The following GABRB1 variants were observed in gnomAD, a reference collection of about 807,000 sequenced individuals.
The protein encoded by GABRB1 is gamma-aminobutyric acid receptor subunit beta-1.
GABRB1 carries 17 observed loss-of-function variants against 51.6 expected under a neutral mutation model. That is an observed-to-expected ratio of 0.33 (90% CI 0.23 to 0.49). GABRB1 has a LOEUF of 0.49. Ranked by LOEUF, GABRB1 falls within the 20% of genes least tolerant of loss-of-function variation. GABRB1 has a pLI of 0.99. For synonymous variants in GABRB1, 247 were observed against 218.9 expected, an observed-to-expected ratio of 1.13 and a Z score of -1.14; for missense variants, 410 against 600.6, an observed-to-expected ratio of 0.68 and a Z score of 3.32.
At chr4:47,137,548 T>G (rs1001390822) in intron 3 of GABRB1, among the ~76,000 whole-genome samples, 27 of 152,274 alleles carry the variant, frequency 1.8e-4, no homozygotes, top group African/African-American at 6.0e-4. Context: ...CAGCTGGAAG[T>G]AACCAAGAAG....
chr4:47,192,104 C>A (rs1273170670), intron 4 of GABRB1, among the ~76,000 whole-genome samples: 1 of 151,820 alleles, frequency 6.6e-6, no homozygotes, highest in Non-Finnish European at 1.5e-5. Flanking sequence ...AACAAAAAAC[C>A]CTCAAGCCTT....
intron 4 of GABRB1, among the ~76,000 whole-genome samples, chr4:47,313,109 T>C (rs746283203): frequency 6.6e-6 from 1 of 152,216 alleles, no homozygotes; most frequent in Non-Finnish European, 1.5e-5. Flanking sequence ...ATTATAGTGT[T>C]CTGACCTAAC....
Position 47,426,428 on chromosome 4 carries a change from C to CAAAAAAAAAAA in GABRB1, c.*419_*429dup, listed in dbSNP as rs59682924. 8.3e-5 allele frequency: 7 copies of CAAAAAAAAAAA among 84,826 alleles called. No homozygotes were observed. The highest frequency in any genetic ancestry group is 1.6e-4 in the Non-Finnish European group (6 of 38,386). The allele number at this position is 84,826 out of a possible 1,614,324, so 5.3% of individuals were successfully genotyped here. ...GTAAACTATAACAAACTTATGCTGCCAAAAAAAAAAAAAAAAAAACATAAA... is the reference window on the plus strand; with the variant it reads ...GTAAACTATAACAAACTTATGCTGCCAAAAAAAAAAAAAAAAAAAAAAAAAAAAAACATAAA... On this transcript the variant is annotated 3_prime_UTR_variant, in exon 9 of 9. Coordinates refer to ENST00000295454, the MANE Select transcript of GABRB1 (RefSeq NM_000812.4).
At chr4:47,366,697 T>A (rs1726996749) in intron 5 of GABRB1, among the ~76,000 whole-genome samples, 1 of 152,174 alleles carries the variant, frequency 6.6e-6, no homozygotes, top group East Asian at 1.9e-4. Context: ...CTTCAGTAAC[T>A]GAAGAATAAT....
At chr4:47,312,037 TTGTGTGTGTGTGTGTGTGTG>T (rs36206411) in intron 4 of GABRB1, among the ~76,000 whole-genome samples, 20 of 140,760 alleles carry the variant, frequency 1.4e-4, no homozygotes, top group African/African-American at 5.0e-4. Flanking sequence ...TACCCAAGGC[TTGTGTGTGTGTGTGTGTGTG>T]TGTGTGTGTG....
intron 3 of GABRB1, among the ~76,000 whole-genome samples, chr4:47,034,905 A>G (rs905093720): frequency 6.6e-6 from 1 of 152,186 alleles, no homozygotes; most frequent in South Asian, 2.1e-4. Flanking sequence ...TGCTTTTTGT[A>G]TTAAGCATGT....
At position 47,328,690 on chromosome 4, in the gene GABRB1, T is replaced by C. The variant is rs568490691; in HGVS notation, c.544+8481T>C. 3.3e-5 allele frequency among the ~76,000 whole-genome samples: 5 copies of C among 152,116 alleles called. No homozygotes were observed. In the East Asian group the frequency reaches 9.7e-4, roughly 29 times the overall value. ...GGACGAAAAACCAAACACCGCATGTTCTCACTCATAGGTGGGAATGGAACA... is the reference window on the plus strand; with the variant it reads ...GGACGAAAAACCAAACACCGCATGTCCTCACTCATAGGTGGGAATGGAACA... On this transcript the variant is annotated intron_variant, in intron 5 of 8. Coordinates refer to ENST00000295454, the MANE Select transcript of GABRB1 (RefSeq NM_000812.4).
intron 4 of GABRB1, among the ~76,000 whole-genome samples, chr4:47,254,124 T>C (rs1003793150): frequency 2.6e-5 from 4 of 152,122 alleles, no homozygotes; most frequent in African/African-American, 9.7e-5. Context: ...CACTTTCTTG[T>C]CTAATTATGC....
At chr4:47,036,637 G>A (rs967496049) in intron 3 of GABRB1, among the ~76,000 whole-genome samples, 5 of 152,148 alleles carry the variant, frequency 3.3e-5, no homozygotes, top group Admixed American at 2.6e-4. Flanking sequence ...CAAGGCGAGT[G>A]TATCACTTGA....
chr4:47,104,182 A>G (rs768441178), intron 3 of GABRB1, among the ~76,000 whole-genome samples: 1 of 151,712 alleles, frequency 6.6e-6, no homozygotes, highest in Non-Finnish European at 1.5e-5. Context: ...GTATAGGATG[A>G]CAGGTTTTTT....
intron 3 of GABRB1, among the ~76,000 whole-genome samples, chr4:47,082,360 T>C (rs911029741): frequency 1.3e-5 from 2 of 152,116 alleles, no homozygotes; most frequent in African/African-American, 4.8e-5. Context: ...CTGCCTATGA[T>C]GCCTCTGACC....
chr4:47,246,299 T>TATATATAC (rs1329276891), intron 4 of GABRB1, among the ~76,000 whole-genome samples: 3 of 84,140 alleles, frequency 3.6e-5, no homozygotes, highest in African/African-American at 1.4e-4. Context: ...TATATATATA[T>TATATATAC]ACACACACAC....
intron 5 of GABRB1, among the ~76,000 whole-genome samples, chr4:47,381,992 G>T (rs1442870153): frequency 6.6e-6 from 1 of 152,150 alleles, no homozygotes; most frequent in Non-Finnish European, 1.5e-5. Context: ...TATTGTCTAG[G>T]CTGGGGGTAG....
At chr4:47,177,356 G>T (rs962717810) in intron 4 of GABRB1, among the ~76,000 whole-genome samples, 3 of 151,976 alleles carry the variant, frequency 2.0e-5, no homozygotes, top group Non-Finnish European at 4.4e-5. Flanking sequence ...TAGAGAAGAG[G>T]GGCCTGAAAA....
chr4:47,096,799 G>C (rs1157930185), intron 3 of GABRB1, among the ~76,000 whole-genome samples: 1 of 152,134 alleles, frequency 6.6e-6, no homozygotes, highest in African/African-American at 2.4e-5. Flanking sequence ...AAAGGTCTAT[G>C]AGCAGAGGAA....
intron 4 of GABRB1, among the ~76,000 whole-genome samples, chr4:47,165,853 G>A (rs1718159965): frequency 6.6e-6 from 1 of 151,994 alleles, no homozygotes; most frequent in African/African-American, 2.4e-5. Context: ...CCTTTCCCAA[G>A]TGCTAATGAA....
At chr4:47,186,273 C>T (rs1719180117) in intron 4 of GABRB1, among the ~76,000 whole-genome samples, 1 of 151,650 alleles carries the variant, frequency 6.6e-6, no homozygotes, top group South Asian at 2.1e-4. Context: ...CTTTTATTAA[C>T]AAAAGATTCA....
chr4:47,330,582 T>C (rs1273501967), intron 5 of GABRB1, among the ~76,000 whole-genome samples: 2 of 152,130 alleles, frequency 1.3e-5, no homozygotes, highest in Admixed American at 6.6e-5. Context: ...GAACTTCCCC[T>C]ACCACAGAGA....
In GABRB1 at chr4:47,019,899, T is replaced by TGTATATGTATATGTATATGTATAC. The variant is rs1560498368; in HGVS notation, c.-19-12003_-19-11980dup. Among the ~76,000 whole-genome samples, 19 of 146,882 alleles carry TGTATATGTATATGTATATGTATAC rather than the reference T, an allele frequency of 1.3e-4. No individual in the cohort carries two copies. In the South Asian group the frequency reaches 2.1e-3, roughly 16 times the overall value. On this transcript the variant is annotated intron_variant, in intron 1 of 3. Transcript: ENST00000513567. ...TATATATATATATAATATATGTATATGTATATGTATATGTATATGTATACG... is the reference window on the plus strand; with the variant it reads ...TATATATATATATAATATATGTATATGTATATGTATATGTATATGTATACGTATATGTATATGTATATGTATACG...
Sources: gnomAD v4.1 joint callset for allele counts (sites outside exome capture counted in the v4.1 genomes callset) on GRCh38, gnomAD v4.1.1 for gene constraint, MANE v1.5 for transcripts, NCBI Gene and HGNC (gene_info 2026-07-23, HGNC 2026-07-21) for gene names.